LOC128092253: variants seen among roughly 807,000 people sequenced by gnomAD.
At chr6:133,957,711 G>A in the LOC128092253 span, among the ~76,000 whole-genome samples, 5 of 152,168 alleles carry the variant, frequency 3.3e-5, no homozygotes, top group Admixed American at 6.5e-5. Flanking sequence ...TAATGGCATG[G>A]CCTTAAATAT....
At chr6:133,969,855 CAG>C in the LOC128092253 span, among the ~76,000 whole-genome samples, 1 of 152,192 alleles carries the variant, frequency 6.6e-6, no homozygotes, top group Non-Finnish European at 1.5e-5. Flanking sequence ...TCTAAACTAA[CAG>C]AATAATTCTA....
the LOC128092253 span, among the ~76,000 whole-genome samples, chr6:133,965,011 A>G: frequency 6.6e-6 from 1 of 152,234 alleles, no homozygotes; most frequent in Non-Finnish European, 1.5e-5. Context: ...CACCCTTGAA[A>G]TAAATCAGAA....
the LOC128092253 span, among the ~76,000 whole-genome samples, chr6:133,965,529 C>T: frequency 6.6e-6 from 1 of 152,060 alleles, no homozygotes; most frequent in African/African-American, 2.4e-5. Context: ...CCCCACTCCC[C>T]TCAGCACCAC....
At chr6:133,964,436 G>GT in the LOC128092253 span, among the ~76,000 whole-genome samples, 8 of 147,296 alleles carry the variant, frequency 5.4e-5, no homozygotes, top group Non-Finnish European at 9.0e-5. Flanking sequence ...GTTTTGTTTT[G>GT]TTTTTTTGGG....
At chr6:133,953,610 G>C in the LOC128092253 span, among the ~76,000 whole-genome samples, 1 of 152,126 alleles carries the variant, frequency 6.6e-6, no homozygotes, top group African/African-American at 2.4e-5. Flanking sequence ...CGGTGGCCGA[G>C]GGAGGGCTCA....
chr6:133,965,638 T>A, the LOC128092253 span, among the ~76,000 whole-genome samples: 11 of 151,986 alleles, frequency 7.2e-5, no homozygotes, highest in African/African-American at 2.4e-4. Flanking sequence ...ACTGTTAAAT[T>A]TAGTGCTTTT....
the LOC128092253 span, among the ~76,000 whole-genome samples, chr6:133,961,812 C>T: frequency 2.0e-5 from 3 of 152,282 alleles, no homozygotes; most frequent in East Asian, 5.8e-4. Context: ...TTCCCTGGAT[C>T]ATTGCTCCTG....
At chr6:133,973,156 A>G in the LOC128092253 span, among the ~76,000 whole-genome samples, 1 of 152,156 alleles carries the variant, frequency 6.6e-6, no homozygotes, top group African/African-American at 2.4e-5. Context: ...CTAATCTACT[A>G]TTTGGGGAGC....
chr6:133,956,297 A>AG, the LOC128092253 span, among the ~76,000 whole-genome samples: 1 of 152,206 alleles, frequency 6.6e-6, no homozygotes, highest in African/African-American at 2.4e-5. Flanking sequence ...AGATTCCCTG[A>AG]AACTTAAATC....
the LOC128092253 span, among the ~76,000 whole-genome samples, chr6:133,956,773 T>C: frequency 1.3e-5 from 2 of 152,224 alleles, no homozygotes; most frequent in Non-Finnish European, 2.9e-5. Context: ...TTCTCAAGCA[T>C]GATTACAGCT....
the LOC128092253 span, among the ~76,000 whole-genome samples, chr6:133,964,640 G>A: frequency 1.3e-5 from 2 of 151,764 alleles, no homozygotes; most frequent in African/African-American, 4.8e-5. Flanking sequence ...AGTAGAGATG[G>A]GGTTTTACCG....
At chr6:133,962,179 G>A in the LOC128092253 span, among the ~76,000 whole-genome samples, 1,451 of 152,238 alleles carry the variant, frequency 9.5e-3, 40 homozygotes, top group Admixed American at 0.062. Context: ...AAGGAAGATC[G>A]GGGGTGGGAA....
At chr6:133,960,127 C>T in the LOC128092253 span, among the ~76,000 whole-genome samples, 5 of 152,142 alleles carry the variant, frequency 3.3e-5, no homozygotes, top group Admixed American at 3.3e-4. Context: ...ATGAGCATAC[C>T]TTAATTGCTT....
At chr6:133,955,385 A>G in the LOC128092253 span, among the ~76,000 whole-genome samples, 2 of 151,682 alleles carry the variant, frequency 1.3e-5, no homozygotes, top group South Asian at 2.1e-4. Context: ...TTTCTTAATC[A>G]TGTCCCAATC....
chr6:133,974,171 GTCTACATC>G, the LOC128092253 span, among the ~76,000 whole-genome samples: 1 of 152,106 alleles, frequency 6.6e-6, no homozygotes, highest in Admixed American at 6.5e-5. Flanking sequence ...ATGGACCTCT[GTCTACATC>G]TCTACATCTG....
chr6:133,965,326 A>G, the LOC128092253 span, among the ~76,000 whole-genome samples: 2 of 152,342 alleles, frequency 1.3e-5, no homozygotes, highest in East Asian at 3.9e-4. Flanking sequence ...GCTCAAGAAA[A>G]CAAATACCTT....
At chr6:133,975,610 G>A in the LOC128092253 span, among the ~76,000 whole-genome samples, 4 of 152,244 alleles carry the variant, frequency 2.6e-5, no homozygotes, top group South Asian at 6.2e-4. Flanking sequence ...GAAAGGAAGA[G>A]TATAGGCTAA....
At chr6:133,969,251 C>CTT in the LOC128092253 span, among the ~76,000 whole-genome samples, 34 of 122,580 alleles carry the variant, frequency 2.8e-4, no homozygotes, top group East Asian at 1.5e-3. Flanking sequence ...ATAAAATACA[C>CTT]TTTTTTTTTT....
the LOC128092253 span, among the ~76,000 whole-genome samples, chr6:133,978,234 C>G: frequency 6.6e-6 from 1 of 152,194 alleles, no homozygotes; most frequent in Non-Finnish European, 1.5e-5. Flanking sequence ...AAGAAATCCT[C>G]TGCCTGTTGA....
Sources: gnomAD v4.1 joint callset for allele counts (sites outside exome capture counted in the v4.1 genomes callset) on GRCh38, gnomAD v4.1.1 for gene constraint, MANE v1.5 for transcripts.